MITF: variants seen among roughly 807,000 people sequenced by gnomAD.
The protein encoded by MITF is microphthalmia-associated transcription factor.
MITF carries 17 observed loss-of-function variants against 60.5 expected under a neutral mutation model. The ratio of observed to expected loss-of-function variants is 0.28; its 90% confidence interval spans 0.19 to 0.42. The LOEUF (loss-of-function observed/expected upper bound fraction) is 0.42. Ranked by LOEUF, MITF falls within the 10% of genes least tolerant of loss-of-function variation. The probability of loss-of-function intolerance (pLI) is 1.00; values close to 1 mark genes in which losing one functional copy is unlikely to be tolerated. For synonymous variants in MITF, 260 were observed against 248.5 expected, an observed-to-expected ratio of 1.05 and a Z score of -0.43; for missense variants, 622 against 683.5, an observed-to-expected ratio of 0.91 and a Z score of 1.00.
intron 1 of MITF, among the ~76,000 whole-genome samples, chr3:69,819,707 A>G (rs574669572): frequency 6.6e-6 from 1 of 152,178 alleles, no homozygotes; most frequent in Admixed American, 6.5e-5. Context: ...GTAACCTGTA[A>G]TCCCAGCACT....
At chr3:69,827,048 G>C (rs913129827) in intron 1 of MITF, among the ~76,000 whole-genome samples, 6 of 152,084 alleles carry the variant, frequency 3.9e-5, no homozygotes, top group Non-Finnish European at 8.8e-5. Context: ...AGTTTTTGCT[G>C]TTGTATTAGC....
In MITF at chr3:69,965,182, C is replaced by T. The variant is rs761127025; in HGVS notation, c.1515C>T (p.Pro505=). 2.0e-5 allele frequency: 33 copies of T among 1,613,552 alleles called. No homozygotes were observed. Among genetic ancestry groups the T allele is most frequent in the East Asian group, 4.5e-5 (2 of 44,862 alleles). ...VTDPLLSSVS[P]GASKTSSRRS... The stretch of plus-strand genomic sequence containing the variant: ...ATCCACTCCTTTCCTCAGTGTCCCC[C>T]GGAGCTTCCAAAACAAGCAGCCGGA... The change falls in exon 10 of 10, where the codon CCC becomes CCT. Residue 505 remains proline, a synonymous_variant. Coordinates refer to ENST00000352241, the MANE Select transcript of MITF (RefSeq NM_001354604.2).
intron 2 of MITF, among the ~76,000 whole-genome samples, chr3:69,926,665 G>A (rs540032478): frequency 6.6e-6 from 1 of 152,202 alleles, no homozygotes; most frequent in South Asian, 2.1e-4. Context: ...AGCTCCCATG[G>A]TGGGGGGGAT....
chr3:69,783,675 G>C (rs2062603117), intron 1 of MITF, among the ~76,000 whole-genome samples: 1 of 152,068 alleles, frequency 6.6e-6, no homozygotes, highest in Non-Finnish European at 1.5e-5. Flanking sequence ...TCTGATAGAG[G>C]ATGTTTTAAA....
At chr3:69,952,010 A>G in intron 7 of MITF, 124 bp downstream of exon 7, 1 of 750,690 alleles carries the variant, frequency 1.3e-6, no homozygotes, top group Non-Finnish European at 2.3e-6. Flanking sequence ...CTCTTATGGA[A>G]GAAAATTGTA....
intron 1 of MITF, among the ~76,000 whole-genome samples, chr3:69,792,039 T>A (rs2062748845): frequency 6.6e-6 from 1 of 152,210 alleles, no homozygotes; most frequent in Non-Finnish European, 1.5e-5. Context: ...ATGTGCTGAA[T>A]CCTCATCTGT....
chr3:69,783,988 C>T (rs1319784950), intron 1 of MITF, among the ~76,000 whole-genome samples: 1 of 152,172 alleles, frequency 6.6e-6, no homozygotes, highest in Non-Finnish European at 1.5e-5. Context: ...TCTTTCCTGT[C>T]TCTCTTTCTT....
chr3:69,919,850 T>TTGC (rs1332811291), intron 2 of MITF, among the ~76,000 whole-genome samples: 1 of 152,164 alleles, frequency 6.6e-6, no homozygotes, highest in African/African-American at 2.4e-5. Context: ...GTTGTTATTG[T>TTGC]TGCTGCTGCT....
In MITF at chr3:69,752,305, TG is replaced by T. The variant is rs1404119582; in HGVS notation, c.104+12609del. 2.0e-5 allele frequency: 3 copies of T among 152,146 alleles called. No individual in the cohort carries two copies. In the East Asian group the frequency reaches 5.8e-4, roughly 29 times the overall value. The allele number at this position is 152,146 out of a possible 1,614,324, so 9.4% of individuals were successfully genotyped here. On this transcript the variant is annotated intron_variant, in intron 1 of 9. Transcript: ENST00000352241. ...GTAACAGGCAGAGGTTGGAAGAATT[TG>T]GGGGACTCAGAAGAAGATAGGAAGA... is the stretch of plus-strand genomic sequence containing the variant.
At chr3:69,942,820 T>A (rs2066000506) in intron 5 of MITF, among the ~76,000 whole-genome samples, 1 of 152,138 alleles carries the variant, frequency 6.6e-6, no homozygotes, top group African/African-American at 2.4e-5. Flanking sequence ...GGGGAATTTA[T>A]AAATATACCC....
At position 69,894,396 on chromosome 3, in the gene MITF, G is replaced by A. The variant is rs1419056263; in HGVS notation, c.354+15013G>A. Among the ~76,000 whole-genome samples the A allele has an allele frequency of 1.2e-4, 19 of 152,100 alleles. 1 individual carries two copies. Among genetic ancestry groups the A allele is most frequent in the Non-Finnish European group, 1.0e-4 (7 of 68,004 alleles). ...TGTCCATTTAATTTTATTGGACTGC[G>A]CTGTGCTGGCTGGGCACAGTGGCTC... On this transcript the variant is annotated intron_variant, in intron 2 of 9. Coordinates refer to ENST00000352241, the MANE Select transcript of MITF (RefSeq NM_001354604.2).
chr3:69,922,295 C>T (rs2065485342), intron 2 of MITF, among the ~76,000 whole-genome samples: 1 of 152,136 alleles, frequency 6.6e-6, no homozygotes, highest in African/African-American at 2.4e-5. Context: ...AATCTCAGCT[C>T]ACTGCAGCCT....
rs537414040 is a variant in MITF at position 69,843,231 on chromosome 3, C to T, written c.105-35903C>T. Among the ~76,000 whole-genome samples the T allele has an allele frequency of 8.3e-5, 12 of 145,168 alleles. No individual in the cohort carries two copies. The South Asian group carries it at 1.1e-3, about 14-fold the overall frequency. On this transcript the variant is annotated intron_variant, in intron 1 of 9. Coordinates refer to ENST00000352241, the MANE Select transcript of MITF (RefSeq NM_001354604.2). ...ATTTGTTTCTCTGGATACCCAACAA[C>T]GAGGGAAGAAGGGTATGTTGTTTGA...
chr3:69,861,674 G>A (rs2064019264), intron 1 of MITF, among the ~76,000 whole-genome samples: 1 of 152,144 alleles, frequency 6.6e-6, no homozygotes, highest in Non-Finnish European at 1.5e-5. Context: ...GGAAAGCAGA[G>A]CCTCTTGCAT....
intron 9 of MITF, among the ~76,000 whole-genome samples, chr3:69,959,974 T>C (rs955826898): frequency 2.6e-5 from 4 of 152,216 alleles, no homozygotes; most frequent in African/African-American, 9.7e-5. Flanking sequence ...CAACATATAT[T>C]ACATAAGGTG....
intron 1 of MITF, among the ~76,000 whole-genome samples, chr3:69,787,710 G>A (rs151191331): frequency 6.6e-6 from 1 of 152,054 alleles, no homozygotes; most frequent in African/African-American, 2.4e-5. Flanking sequence ...ATCTCAGTAT[G>A]ACTGCTCCTT....
At chr3:69,896,697 A>G (rs977016837) in intron 2 of MITF, among the ~76,000 whole-genome samples, 1 of 152,214 alleles carries the variant, frequency 6.6e-6, no homozygotes, top group Non-Finnish European at 1.5e-5. Context: ...CCAGGACTGT[A>G]GAAATGGAGT....
intron 1 of MITF, among the ~76,000 whole-genome samples, chr3:69,829,581 A>G (rs760023888): frequency 2.2e-4 from 34 of 152,358 alleles, no homozygotes; most frequent in Non-Finnish European, 4.0e-4. Flanking sequence ...CATAAAATTC[A>G]GCAGTAAAAA....
chr3:69,951,759 T>C, intron 6 of MITF, 53 bp from the exon 7 acceptor site: 1 of 1,345,378 alleles, frequency 7.4e-7, no homozygotes, highest in Admixed American at 1.7e-5. Flanking sequence ...TAGTTTACAT[T>C]TTGTGCAACT....
Sources: allele counts gnomAD v4.1 joint callset (sites outside exome capture counted in the v4.1 genomes callset), GRCh38; gene constraint gnomAD v4.1.1; transcripts MANE v1.5; gene names NCBI Gene and HGNC (gene_info 2026-07-23, HGNC 2026-07-21).